PLCL1: variants seen among roughly 807,000 people sequenced by gnomAD.
The protein encoded by PLCL1 is inactive phospholipase C-like protein 1.
Under a neutral mutation model 84.4 loss-of-function variants are expected in PLCL1, and 41 were observed. That is an observed-to-expected ratio of 0.49 (90% CI 0.38 to 0.63). PLCL1 has a LOEUF of 0.63. Among genes scored for constraint, PLCL1 ranks in the 30% least tolerant of loss-of-function variants. PLCL1 has a pLI of 0.00. For missense variants in PLCL1, 1,206 were observed against 1,367.8 expected (o/e 0.88, Z 1.87); for synonymous variants, 490 against 488.3 (o/e 1.00, Z -0.05).
At chr2:197,840,639 T>C (rs1187313218) in intron 1 of PLCL1, among the ~76,000 whole-genome samples, 1 of 152,098 alleles carries the variant, frequency 6.6e-6, no homozygotes, top group Non-Finnish European at 1.5e-5. Context: ...CATAATCTTC[T>C]TTAGAAATAG....
rs1372785487 is a variant in PLCL1, at chr2:197,805,023, G to A, written c.-77G>A. The A allele has an allele frequency of 5.0e-6, 7 of 1,387,106 alleles. No homozygotes were observed. The highest frequency in any genetic ancestry group is 1.5e-5 in the African/African-American group (1 of 65,536). 85.9% of individuals were successfully genotyped at this position (1,387,106 alleles called of 1,614,324 possible). On this transcript the variant is annotated 5_prime_UTR_variant, in exon 1 of 6. Coordinates refer to ENST00000428675, the MANE Select transcript of PLCL1 (RefSeq NM_006226.4). This position sits in a 1 kb window ranked among gnomAD's most constrained non-coding sequence, Gnocchi z 4.0. ...GGCGGGGCCGCCTCCCGGTGCAGGA[G>A]CGCACCGGTGCCTAGCGGCTGGACT...
At chr2:197,918,059 A>G (rs1688629832) in intron 1 of PLCL1, among the ~76,000 whole-genome samples, 1 of 152,254 alleles carries the variant, frequency 6.6e-6, no homozygotes, top group Non-Finnish European at 1.5e-5. Context: ...TAGCCAGGTG[A>G]GCAAGGTTAA....
rs1692575489 is a variant in PLCL1 at position 198,076,278 on chromosome 2, G to A, written c.241-7480G>A. ...AGAGAAGATGTGTAAAATTTAGAGG[G>A]TCACTGGCTGCCCATATTTTAATTA... On this transcript the variant is annotated intron_variant, in intron 1 of 5. Transcript: ENST00000428675. 2.0e-5 allele frequency among the ~76,000 whole-genome samples: 3 copies of A among 152,184 alleles called. 1 individual carries two copies. In the South Asian group the frequency reaches 6.2e-4, roughly 32 times the overall value.
At chr2:198,134,642 A>G (rs1171433638) in intron 5 of PLCL1, among the ~76,000 whole-genome samples, 1 of 152,130 alleles carries the variant, frequency 6.6e-6, no homozygotes, top group African/African-American at 2.4e-5. Context: ...AAGCATTATG[A>G]TTTAGCAGAG....
intron 1 of PLCL1, among the ~76,000 whole-genome samples, chr2:197,882,845 C>A (rs754537607): frequency 1.5e-4 from 23 of 152,074 alleles, no homozygotes; most frequent in Non-Finnish European, 1.8e-4. Context: ...TATCCTTTAA[C>A]AACAGAATGG....
intron 1 of PLCL1, among the ~76,000 whole-genome samples, chr2:197,915,034 C>T (rs1371060709): frequency 2.6e-5 from 4 of 152,156 alleles, no homozygotes; most frequent in Non-Finnish European, 5.9e-5. Context: ...TTGTCAGGGA[C>T]ATGGAGCTCT....
intron 1 of PLCL1, among the ~76,000 whole-genome samples, chr2:197,842,416 C>T (rs1414753776): frequency 1.3e-5 from 2 of 152,134 alleles, no homozygotes; most frequent in African/African-American, 4.8e-5. Context: ...AGGACTCTCT[C>T]ACACTCTTTA....
At chr2:198,099,687 G>A (rs747286360) in intron 3 of PLCL1, among the ~76,000 whole-genome samples, 13 of 152,072 alleles carry the variant, frequency 8.5e-5, no homozygotes, top group Non-Finnish European at 1.8e-4. Context: ...AATTATACTC[G>A]ATTATCTCTT....
chr2:197,909,851 A>G (rs1433921073), intron 1 of PLCL1, among the ~76,000 whole-genome samples: 1 of 152,208 alleles, frequency 6.6e-6, no homozygotes, highest in Non-Finnish European at 1.5e-5. Context: ...CTGGCTTTGC[A>G]GGTACTGTGA....
chr2:197,944,575 G>C (rs1689232954), intron 1 of PLCL1, among the ~76,000 whole-genome samples: 1 of 152,178 alleles, frequency 6.6e-6, no homozygotes, highest in Non-Finnish European at 1.5e-5. Context: ...AGTTTGTGTT[G>C]TGTAAATACT....
intron 1 of PLCL1, among the ~76,000 whole-genome samples, chr2:198,019,394 T>C (rs1691079879): frequency 1.3e-5 from 2 of 152,204 alleles, no homozygotes; most frequent in Admixed American, 6.5e-5. Context: ...GTTTGATGAA[T>C]TGACAGAAGT....
intron 1 of PLCL1, among the ~76,000 whole-genome samples, chr2:197,947,839 A>G (rs1281888121): frequency 6.6e-6 from 1 of 152,170 alleles, no homozygotes; most frequent in Non-Finnish European, 1.5e-5. Context: ...AACTCCTGAG[A>G]TGATTCTACT....
chr2:197,822,508 C>T (rs1466279063), intron 1 of PLCL1, among the ~76,000 whole-genome samples: 1 of 152,150 alleles, frequency 6.6e-6, no homozygotes, highest in Non-Finnish European at 1.5e-5. Flanking sequence ...TAAATAACCC[C>T]TGACATTTAT....
At chr2:197,982,771 T>A (rs924668816) in intron 1 of PLCL1, among the ~76,000 whole-genome samples, 2 of 152,204 alleles carry the variant, frequency 1.3e-5, no homozygotes, top group African/African-American at 4.8e-5. Flanking sequence ...GTGAGTTGAG[T>A]GCCCACAAGG....
chr2:197,870,727 C>G (rs1454639933), intron 1 of PLCL1, among the ~76,000 whole-genome samples: 7 of 152,048 alleles, frequency 4.6e-5, no homozygotes, highest in Admixed American at 4.6e-4. Flanking sequence ...GTCCAGCTGC[C>G]TTGGTATAAT....
intron 5 of PLCL1, among the ~76,000 whole-genome samples, chr2:198,130,507 C>T (rs1358091066): frequency 6.6e-6 from 1 of 152,088 alleles, no homozygotes; most frequent in East Asian, 1.9e-4. Flanking sequence ...GATCCCTGCT[C>T]ATCCTCCCAT....
At chr2:197,829,186 C>A (rs948812971) in intron 1 of PLCL1, among the ~76,000 whole-genome samples, 3 of 151,990 alleles carry the variant, frequency 2.0e-5, no homozygotes, top group Non-Finnish European at 2.9e-5. Context: ...AATCTGGCAA[C>A]CCTAGCTGTA....
chr2:197,836,662 T>C lies in PLCL1; in HGVS notation c.240+31323T>C, dbSNP rs541031872. ...ATCAAGTTATGCAAATTAATGAAAT[T>C]CCTATATTGTTAAGTTACATATTTT... On this transcript the variant is annotated intron_variant, in intron 1 of 5. Coordinates refer to ENST00000428675, the MANE Select transcript of PLCL1 (RefSeq NM_006226.4). 3.9e-5 allele frequency among the ~76,000 whole-genome samples: 6 copies of C among 152,224 alleles called. No individual in the cohort carries two copies. In the South Asian group the frequency reaches 1.0e-3, roughly 26 times the overall value.
rs375348367 is a variant in PLCL1, at chr2:198,022,335, C to T, written c.241-61423C>T. ...TGCTGGATGCATTCCCTTTGAAAAC[C>T]GACACAAGACAAGGATGCCCTCTCT... On this transcript the variant is annotated intron_variant, in intron 1 of 5. Coordinates refer to ENST00000428675, the MANE Select transcript of PLCL1 (RefSeq NM_006226.4). Among the ~76,000 whole-genome samples the T allele has an allele frequency of 1.4e-4, 21 of 152,120 alleles. No homozygotes were observed. The South Asian group carries it at 1.5e-3, about 11-fold the overall frequency.
Sources: gnomAD v4.1 joint callset for allele counts (sites outside exome capture counted in the v4.1 genomes callset) on GRCh38, gnomAD v4.1.1 for gene constraint, Gnocchi (gnomAD v3.1) non-coding constraint, MANE v1.5 for transcripts, NCBI Gene and HGNC (gene_info 2026-07-23, HGNC 2026-07-21) for gene names.